The following ARHGAP10 variants were observed in gnomAD, a reference collection of about 807,000 sequenced individuals.
The protein encoded by ARHGAP10 is Rho GTPase activating protein 10.
ARHGAP10 carries 87 observed loss-of-function variants against 108.6 expected under a neutral mutation model. That is an observed-to-expected ratio of 0.80 (90% CI 0.67 to 0.96). The LOEUF (loss-of-function observed/expected upper bound fraction) is 0.96, where lower values mean the gene tolerates loss of function less well. Ranked by LOEUF, ARHGAP10 falls within the 40% of genes least tolerant of loss-of-function variation. ARHGAP10 has a pLI of 0.00. For synonymous variants in ARHGAP10, 347 were observed against 341.1 expected, an observed-to-expected ratio of 1.02 and a Z score of -0.19; for missense variants, 939 against 954.5, an observed-to-expected ratio of 0.98 and a Z score of 0.21.
Position 147,741,796 on chromosome 4 carries a change from A to ACACACG in ARHGAP10, c.154+9346_154+9347insGCACAC, listed in dbSNP as rs1162871486. The stretch of plus-strand genomic sequence containing the variant: ...CACACACACACACACACACACGCAC[A>ACACACG]CACACACACACACACACACACACAC... On this transcript the variant is annotated intron_variant, in intron 1 of 22. Transcript: ENST00000336498. Among the ~76,000 whole-genome samples, 321 of 43,848 alleles carry ACACACG rather than the reference A, an allele frequency of 7.3e-3. 2 individuals are homozygous for ACACACG. The highest frequency in any genetic ancestry group is 0.017 in the Non-Finnish European group (227 of 13,396). The allele number at this position is 43,848 out of a possible 152,430, so 28.8% of individuals were successfully genotyped here. A position where few individuals can be genotyped will look rare whatever the true frequency, so the allele number is the denominator to read the frequency against.
intron 18 of ARHGAP10, among the ~76,000 whole-genome samples, chr4:148,019,539 C>G (rs1387453501): frequency 6.6e-6 from 1 of 152,066 alleles, no homozygotes; most frequent in East Asian, 1.9e-4. Flanking sequence ...ATCACGAGGT[C>G]AGGAGTTAGA....
intron 1 of ARHGAP10, among the ~76,000 whole-genome samples, chr4:147,750,479 T>C (rs1729094496): frequency 6.6e-6 from 1 of 152,220 alleles, no homozygotes; most frequent in Non-Finnish European, 1.5e-5. Flanking sequence ...ATAACTAAAT[T>C]AAGAGGGATT....
chr4:147,929,331 G>C (rs191010145), intron 13 of ARHGAP10, among the ~76,000 whole-genome samples: 33 of 152,190 alleles, frequency 2.2e-4, no homozygotes, highest in African/African-American at 7.2e-4. Flanking sequence ...TGGTGAATAT[G>C]TCCCTTTGAT....
chr4:147,766,568 G>A (rs1729822565), intron 1 of ARHGAP10, among the ~76,000 whole-genome samples: 1 of 146,920 alleles, frequency 6.8e-6, no homozygotes, highest in African/African-American at 2.5e-5. Flanking sequence ...GTGTGTGGGT[G>A]TGTGTGTATA....
chr4:147,765,862 G>A (rs1729783464), intron 1 of ARHGAP10, among the ~76,000 whole-genome samples: 1 of 152,136 alleles, frequency 6.6e-6, no homozygotes, highest in African/African-American at 2.4e-5. Flanking sequence ...TATAGCTCAT[G>A]ACATGTTCTA....
intron 3 of ARHGAP10, among the ~76,000 whole-genome samples, chr4:147,839,138 A>ATCTGTCTG (rs1287362860): frequency 5.7e-4 from 73 of 128,184 alleles, no homozygotes; most frequent in Admixed American, 9.3e-4. Context: ...CTATCTATCT[A>ATCTGTCTG]TCTATCTGTC....
chr4:147,732,259 A>T lies in ARHGAP10; in HGVS notation c.-43A>T, dbSNP rs775082456. Reference sequence around the variant, plus strand: ...AGCGGCCTCGGAGCTCGGCTCGGGCAGGAGCGCGCGGCCGTGCGCACCGCG... The same window carrying T: ...AGCGGCCTCGGAGCTCGGCTCGGGCTGGAGCGCGCGGCCGTGCGCACCGCG... On this transcript the variant is annotated 5_prime_UTR_variant, in exon 1 of 23. Coordinates refer to ENST00000336498, the MANE Select transcript of ARHGAP10 (RefSeq NM_024605.4). The T allele has an allele frequency of 1.5e-5, 22 of 1,514,426 alleles. No individual in the cohort carries two copies. The highest frequency in any genetic ancestry group is 1.8e-5 in the Non-Finnish European group (21 of 1,139,712). 93.8% of individuals were successfully genotyped at this position (1,514,426 alleles called of 1,614,324 possible). A position where few individuals can be genotyped will look rare whatever the true frequency, so the allele number is the denominator to read the frequency against.
At chr4:148,007,092 T>C (rs574821045) in intron 18 of ARHGAP10, among the ~76,000 whole-genome samples, 51 of 152,066 alleles carry the variant, frequency 3.4e-4, no homozygotes, top group African/African-American at 6.5e-4. Context: ...ATCCTATTCT[T>C]GGACAAAAAT....
chr4:147,912,548 A>AAT (rs59663731), intron 12 of ARHGAP10, among the ~76,000 whole-genome samples: 102 of 120,010 alleles, frequency 8.5e-4, no homozygotes, highest in African/African-American at 1.6e-3. Context: ...CAAACAAACA[A>AAT]ATATATATAT....
chr4:147,774,299 C>CT (rs1199001848), intron 1 of ARHGAP10, among the ~76,000 whole-genome samples: 1 of 152,182 alleles, frequency 6.6e-6, no homozygotes, highest in African/African-American at 2.4e-5. Flanking sequence ...CAGCCAAAAT[C>CT]TAAGATTCCC....
At chr4:147,875,956 A>G (rs1735041764) in intron 8 of ARHGAP10, among the ~76,000 whole-genome samples, 2 of 152,216 alleles carry the variant, frequency 1.3e-5, no homozygotes, top group South Asian at 4.1e-4. Context: ...GGGTCTCTTT[A>G]CTATTTCCCT....
intron 18 of ARHGAP10, among the ~76,000 whole-genome samples, chr4:147,993,739 C>T (rs1275267605): frequency 6.6e-6 from 1 of 152,188 alleles, no homozygotes; most frequent in African/African-American, 2.4e-5. Context: ...ATAGTTGTGT[C>T]TTCAGAAGAT....
chr4:147,875,241 G>T, intron 8 of ARHGAP10, 91 bp downstream of exon 8: 1 of 1,360,720 alleles, frequency 7.3e-7, no homozygotes, highest in Non-Finnish European at 9.7e-7. Flanking sequence ...TGACATTTTG[G>T]GCAATTATTC....
intron 1 of ARHGAP10, among the ~76,000 whole-genome samples, chr4:147,759,592 CT>C (rs1406228184): frequency 2.4e-5 from 3 of 123,466 alleles, no homozygotes; most frequent in African/African-American, 5.6e-5. Context: ...CCCCCCCCCC[CT>C]TTAAAAAGGA....
chr4:148,006,063 A>G (rs1286009538), intron 18 of ARHGAP10, among the ~76,000 whole-genome samples: 3 of 152,220 alleles, frequency 2.0e-5, no homozygotes, highest in Non-Finnish European at 4.4e-5. Context: ...TGATCATTAT[A>G]CTATGGCAGG....
chr4:147,826,633 A>G lies in ARHGAP10; in HGVS notation c.312+3676A>G, dbSNP rs574796470. On this transcript the variant is annotated intron_variant, in intron 3 of 22. Coordinates refer to ENST00000336498, the MANE Select transcript of ARHGAP10 (RefSeq NM_024605.4). ...CGAGAGAAATATACAATGAAACTAC[A>G]TGGACTCGACATCCAGCCTCAGACC... Among the ~76,000 whole-genome samples the G allele has an allele frequency of 2.6e-5, 4 of 152,308 alleles. No homozygotes were observed. In the South Asian group the frequency reaches 8.3e-4, roughly 32 times the overall value.
At chr4:147,840,461 G>A (rs1448422641) in intron 3 of ARHGAP10, among the ~76,000 whole-genome samples, 9 of 151,634 alleles carry the variant, frequency 5.9e-5, no homozygotes, top group Admixed American at 5.9e-4. Flanking sequence ...TTACATTCCT[G>A]CTTTACCCCA....
At chr4:147,986,442 G>A (rs1740047400) in intron 18 of ARHGAP10, among the ~76,000 whole-genome samples, 1 of 152,188 alleles carries the variant, frequency 6.6e-6, no homozygotes, top group South Asian at 2.1e-4. Flanking sequence ...TTAAATGACT[G>A]CAATTACTTG....
chr4:147,813,446 C>G (rs1013365029), intron 1 of ARHGAP10, among the ~76,000 whole-genome samples: 3 of 152,136 alleles, frequency 2.0e-5, no homozygotes, highest in Non-Finnish European at 4.4e-5. Context: ...ATGAGCCAAG[C>G]CAATTTGATT....
Sources: allele counts gnomAD v4.1 joint callset (sites outside exome capture counted in the v4.1 genomes callset), GRCh38; gene constraint gnomAD v4.1.1; transcripts MANE v1.5; gene names NCBI Gene and HGNC (gene_info 2026-07-23, HGNC 2026-07-21).